Variants in EHBP1 observed in about 807,000 individuals in gnomAD.
EHBP1 encodes EH domain-binding protein 1.
EHBP1 carries 55 observed loss-of-function variants against 144.0 expected under a neutral mutation model. That is an observed-to-expected ratio of 0.38 (90% CI 0.31 to 0.48). The LOEUF is 0.48. Among genes scored for constraint, EHBP1 ranks in the 20% least tolerant of loss-of-function variants. The pLI is 0.98. For missense variants in EHBP1, 1,200 were observed against 1,364.2 expected, an observed-to-expected ratio of 0.88 and a Z score of 1.90; for synonymous variants, 469 against 472.7, an observed-to-expected ratio of 0.99 and a Z score of 0.10.
intron 19 of EHBP1, among the ~76,000 whole-genome samples, chr2:63,027,204 A>G (rs953001143): frequency 3.9e-5 from 6 of 152,230 alleles, no homozygotes; most frequent in African/African-American, 1.4e-4. Context: ...TATTATCATC[A>G]TCAACATCAC....
Position 62,993,959 on chromosome 2 carries a change from A to C in EHBP1, c.2961A>C (p.Ser987=). 1 of 1,579,616 alleles carries C rather than the reference A, an allele frequency of 6.3e-7. No homozygotes were observed. Among genetic ancestry groups the C allele is most frequent in the African/African-American group, 1.3e-5 (1 of 74,248 alleles). The stretch of plus-strand genomic sequence containing the variant: ...TAACTGAAACTCAGAGGAAGCCATC[A>C]GAAGATGAAGTGCTTAATGTATATT... ...AAITETQRKP[S]EDEVLNKGFK... is the part of the protein sequence containing the mutation. The change falls in exon 18 of 23, where the codon TCA becomes TCC. Residue 987 remains serine (S), a synonymous_variant. Coordinates refer to ENST00000431489, the MANE Select transcript of EHBP1 (RefSeq NM_001142616.3).
chr2:62,719,548 T>A (rs1333274558), intron 2 of EHBP1, among the ~76,000 whole-genome samples: 1 of 152,232 alleles, frequency 6.6e-6, no homozygotes, highest in East Asian at 1.9e-4. Context: ...TAGCAGCATC[T>A]GTTGGAAACC....
intron 19 of EHBP1, among the ~76,000 whole-genome samples, chr2:63,020,323 CAAAAAAAAAA>C (rs1001418542): frequency 2.0e-4 from 9 of 45,262 alleles, no homozygotes; most frequent in East Asian, 1.3e-3. Context: ...GACTCTGTCT[CAAAAAAAAAA>C]AAAAAAAAAA....
At chr2:62,837,587 G>A (rs1453848592) in intron 7 of EHBP1, among the ~76,000 whole-genome samples, 2 of 150,612 alleles carry the variant, frequency 1.3e-5, no homozygotes, top group Non-Finnish European at 3.0e-5. Context: ...GCTGTATTCA[G>A]GAAACCCATC....
At chr2:62,984,801 C>T (rs2059120015) in intron 15 of EHBP1, among the ~76,000 whole-genome samples, 1 of 152,090 alleles carries the variant, frequency 6.6e-6, no homozygotes, top group African/African-American at 2.4e-5. Context: ...TGAGTTAACC[C>T]ACTCAGCATT....
intron 6 of EHBP1, among the ~76,000 whole-genome samples, chr2:62,828,883 C>T (rs888990801): frequency 1.3e-5 from 2 of 152,156 alleles, no homozygotes; most frequent in Non-Finnish European, 2.9e-5. Context: ...GTAATCCCAA[C>T]ACTTTGGGAG....
intron 15 of EHBP1, 56 bp downstream of exon 15, chr2:62,979,391 C>G (rs2058859805): frequency 6.5e-7 from 1 of 1,536,910 alleles, no homozygotes; most frequent in African/African-American, 1.4e-5. Flanking sequence ...CACAGTGGAC[C>G]TTTTGGGACT....
At chr2:62,979,908 T>A (rs911063156) in intron 15 of EHBP1, among the ~76,000 whole-genome samples, 1 of 152,030 alleles carries the variant, frequency 6.6e-6, no homozygotes, top group African/African-American at 2.4e-5. Flanking sequence ...TTAAAGAAAA[T>A]TTTAATTTTA....
At chr2:63,022,866 T>TA in intron 19 of EHBP1, among the ~76,000 whole-genome samples, 1 of 152,156 alleles carries the variant, frequency 6.6e-6, no homozygotes, top group Non-Finnish European at 1.5e-5. Flanking sequence ...GTTGAGTTGA[T>TA]ACCTATTTTT....
At chr2:62,722,186 GT>G (rs2036294735) in intron 2 of EHBP1, among the ~76,000 whole-genome samples, 1 of 151,816 alleles carries the variant, frequency 6.6e-6, no homozygotes, top group Admixed American at 6.6e-5. Flanking sequence ...CTGGAGTGCA[GT>G]GGCGTGTGAT....
intron 5 of EHBP1, among the ~76,000 whole-genome samples, chr2:62,822,446 A>G (rs368280123): frequency 6.6e-6 from 1 of 152,162 alleles, no homozygotes; most frequent in Non-Finnish European, 1.5e-5. Flanking sequence ...TGGACTATTT[A>G]TTAGTGTAAT....
chr2:62,989,216 C>T (rs2059316745), intron 15 of EHBP1, among the ~76,000 whole-genome samples: 1 of 151,892 alleles, frequency 6.6e-6, no homozygotes. Flanking sequence ...TTTAAAAAAA[C>T]ATTTTTGTTG....
intron 10 of EHBP1, among the ~76,000 whole-genome samples, chr2:62,913,178 A>C (rs1482443684): frequency 6.6e-6 from 1 of 152,176 alleles, no homozygotes; most frequent in Non-Finnish European, 1.5e-5. Flanking sequence ...GAAAACATTT[A>C]TGTTTTAAGA....
At chr2:62,715,781 TATC>T (rs1187186645) in intron 2 of EHBP1, among the ~76,000 whole-genome samples, 1 of 152,198 alleles carries the variant, frequency 6.6e-6, no homozygotes, top group Non-Finnish European at 1.5e-5. Flanking sequence ...AGGGTCCCAA[TATC>T]ATCAGGTTGC....
intron 17 of EHBP1, 49 bp from the exon 18 acceptor site, chr2:62,993,822 T>G (rs1006899005): frequency 2.1e-6 from 3 of 1,417,496 alleles, no homozygotes; most frequent in Admixed American, 5.0e-5. Context: ...AATACACAAA[T>G]ATCAAGCTTT....
chr2:62,886,376 G>C (rs1413391395), intron 10 of EHBP1, among the ~76,000 whole-genome samples: 3 of 152,022 alleles, frequency 2.0e-5, no homozygotes, highest in African/African-American at 7.2e-5. Flanking sequence ...AAAATGCCAA[G>C]GTTCAATGAC....
chr2:62,747,519 G>C, intron 3 of EHBP1, 67 bp downstream of exon 3: 2 of 1,197,704 alleles, frequency 1.7e-6, no homozygotes, highest in Non-Finnish European at 2.4e-6. Flanking sequence ...TCTGGTTCCA[G>C]TGTAGAATAT....
chr2:62,955,386 G>T, intron 13 of EHBP1, 131 bp from the exon 14 acceptor site: 1 of 805,404 alleles, frequency 1.2e-6, no homozygotes, highest in Non-Finnish European at 1.9e-6. Context: ...TTCTCTATAG[G>T]TAATCTCATG....
intron 3 of EHBP1, among the ~76,000 whole-genome samples, chr2:62,749,216 A>G (rs998662360): frequency 6.6e-6 from 1 of 151,440 alleles, no homozygotes; most frequent in African/African-American, 2.4e-5. Context: ...ATTCCCACTT[A>G]TGAGTGAGAA....
Sources: gnomAD v4.1 joint callset for allele counts (sites outside exome capture counted in the v4.1 genomes callset) on GRCh38, gnomAD v4.1.1 for gene constraint, MANE v1.5 for transcripts, NCBI Gene and HGNC (gene_info 2026-07-23, HGNC 2026-07-21) for gene names.